AP3S2: variants seen among roughly 807,000 people sequenced by gnomAD.
The protein encoded by AP3S2 is AP-3 complex subunit sigma-2.
AP3S2 carries 22 observed loss-of-function variants against 23.4 expected under a neutral mutation model. The ratio of observed to expected loss-of-function variants is 0.94; its 90% CI spans 0.67 to 1.34. The LOEUF (loss-of-function observed/expected upper bound fraction) is 1.34, where lower values mean the gene tolerates loss of function less well. AP3S2 is among the 40% of genes most tolerant of loss of function. AP3S2 has a pLI of 0.00. For synonymous variants in AP3S2, 86 were observed against 87.1 expected (o/e 0.99, Z 0.07); for missense variants, 241 against 236.9 (o/e 1.02, Z -0.11).
At chr15:89,877,799 T>TA (rs992208560) in intron 3 of AP3S2, among the ~76,000 whole-genome samples, 7 of 151,296 alleles carry the variant, frequency 4.6e-5, no homozygotes, top group Admixed American at 2.0e-4. Flanking sequence ...TGTCTCAAAA[T>TA]AAAAAAAATT....
At chr15:89,856,961 G>T (rs1359460763) in intron 4 of AP3S2, among the ~76,000 whole-genome samples, 2 of 151,862 alleles carry the variant, frequency 1.3e-5, no homozygotes, top group Non-Finnish European at 2.9e-5. Context: ...AATCAACTCT[G>T]ACTGTCCTGT....
chr15:89,862,526 A>C (rs1000960348), intron 4 of AP3S2, among the ~76,000 whole-genome samples: 8 of 152,210 alleles, frequency 5.3e-5, no homozygotes, highest in Admixed American at 6.5e-5. Flanking sequence ...CATAAAAGCA[A>C]GTATGCCAAA....
At chr15:89,851,339 T>C (rs1044516721) in intron 4 of AP3S2, among the ~76,000 whole-genome samples, 2 of 151,786 alleles carry the variant, frequency 1.3e-5, no homozygotes, top group Non-Finnish European at 2.9e-5. Context: ...TACTAATTCA[T>C]CTTCTTTTTT....
rs143234818 is a variant in AP3S2 at position 89,835,617 on chromosome 15, C to G, written c.480G>C (p.Arg160=). 3,962 of 1,613,290 alleles carry G rather than the reference C, an allele frequency of 2.5e-3. 5 individuals are homozygous for G. Among genetic ancestry groups the G allele is most frequent in the Non-Finnish European group, 3.1e-3 (3,639 of 1,179,910 alleles). The stretch of plus-strand genomic sequence containing the variant: ...TGATGTTTTTCACAGCAGACACAGC[C>G]CGCGCAGGGGCTGCTGAAAGGCCAC... ...SEGGLSAAPA[R]AVSAVKNINL... Residue 160 remains arginine (R), a synonymous_variant, in exon 6 of 6, where the codon CGG becomes CGC. Coordinates refer to ENST00000336418, the MANE Select transcript of AP3S2 (RefSeq NM_005829.5).
rs554916414 is a variant in AP3S2 at position 89,832,578 on chromosome 15, T to G, written c.*2937A>C. The G allele has an allele frequency of 2.8e-5, 4 of 144,568 alleles. No homozygotes were observed. The South Asian group carries it at 6.6e-4, about 24-fold the overall frequency. 9.0% of individuals were successfully genotyped at this position (144,568 alleles called of 1,614,324 possible). A position where few individuals can be genotyped will look rare whatever the true frequency, so the allele number is the denominator to read the frequency against. ...ATCTTGGCTCACTGCAAGCTCTGCC[T>G]CCCGGGTTCATGCCATTCTCCTGCC... On this transcript the variant is annotated 3_prime_UTR_variant, in exon 6 of 6. Coordinates refer to ENST00000336418, the MANE Select transcript of AP3S2 (RefSeq NM_005829.5).
chr15:89,891,890 A>G lies in AP3S2; in HGVS notation c.69+1991T>C, dbSNP rs935786327. Among the ~76,000 whole-genome samples the G allele has an allele frequency of 2.6e-5, 4 of 152,208 alleles. No homozygotes were observed. The South Asian group carries it at 8.3e-4, about 31-fold the overall frequency. ...ATCCAGCAATTCTACTCCTAGGTATATAACCAAGAGAAATGAAGTCATAAG... is the reference window on the plus strand; with the variant it reads ...ATCCAGCAATTCTACTCCTAGGTATGTAACCAAGAGAAATGAAGTCATAAG... On this transcript the variant is annotated intron_variant, in intron 1 of 5. Transcript: ENST00000336418.
At chr15:89,854,029 C>T (rs1435551183) in intron 4 of AP3S2, among the ~76,000 whole-genome samples, 1 of 50,222 alleles carries the variant, frequency 2.0e-5, no homozygotes, top group South Asian at 6.4e-4. Context: ...GGGGGGGGGT[C>T]AGCCCCCCGC....
intron 4 of AP3S2, among the ~76,000 whole-genome samples, chr15:89,858,493 A>AAGAGAGAGAGAGAGAGAGAG (rs143172663): frequency 1.7e-5 from 1 of 60,236 alleles, no homozygotes; most frequent in Non-Finnish European, 3.7e-5. Context: ...GAAAGAAAGA[A>AAGAGAGAGAGAGAGAGAGAG]AGAGAGAGAG....
At chr15:89,867,405 C>T (rs1186871272) in intron 4 of AP3S2, among the ~76,000 whole-genome samples, 3 of 151,550 alleles carry the variant, frequency 2.0e-5, no homozygotes, top group South Asian at 2.1e-4. Flanking sequence ...CCCAAAGTGC[C>T]GAGATTGCAG....
chr15:89,868,494 G>C (rs1896218196), intron 4 of AP3S2, among the ~76,000 whole-genome samples: 1 of 108,372 alleles, frequency 9.2e-6, no homozygotes, highest in Non-Finnish European at 2.0e-5. Flanking sequence ...TGCCCGGCCA[G>C]CCGCCCGGTC....
At chr15:89,850,463 G>C (rs1044480313) in intron 4 of AP3S2, among the ~76,000 whole-genome samples, 4 of 152,178 alleles carry the variant, frequency 2.6e-5, no homozygotes, top group African/African-American at 9.7e-5. Flanking sequence ...AGCACTCTAC[G>C]ATACACATGA....
rs1351172530 is a variant in AP3S2, at chr15:89,878,353, T to C, written c.274-6807A>G. ...TAGGAGAAAATATTTGCAATAAATA[T>C]AACAAAAAAAGAATATGCATACAAT... On this transcript the variant is annotated intron_variant, in intron 3 of 5. Coordinates refer to ENST00000336418, the MANE Select transcript of AP3S2 (RefSeq NM_005829.5). The C allele has an allele frequency of 1.1e-4, 67 of 609,680 alleles. No homozygotes were observed. The East Asian group carries it at 2.0e-3, about 18-fold the overall frequency. The allele number at this position is 609,680 out of a possible 1,614,324, so 37.8% of individuals were successfully genotyped here.
At chr15:89,880,081 G>T (rs1334914549) in intron 3 of AP3S2, among the ~76,000 whole-genome samples, 1 of 150,486 alleles carries the variant, frequency 6.6e-6, no homozygotes, top group East Asian at 2.0e-4. Flanking sequence ...TATAAAATAT[G>T]ATATTATAAG....
At chr15:89,839,542 T>TG (rs1895275971) in intron 4 of AP3S2, among the ~76,000 whole-genome samples, 1 of 152,226 alleles carries the variant, frequency 6.6e-6, no homozygotes, top group African/African-American at 2.4e-5. Context: ...AATTATTCCC[T>TG]GGGGGAATTC....
chr15:89,885,089 A>AT (rs1304910536), intron 3 of AP3S2, among the ~76,000 whole-genome samples: 1 of 152,214 alleles, frequency 6.6e-6, no homozygotes, highest in African/African-American at 2.4e-5. Context: ...ACTTTAAAAA[A>AT]TTCTACTGTG....
chr15:89,849,526 C>A (rs1301136032), intron 4 of AP3S2, among the ~76,000 whole-genome samples: 1 of 151,948 alleles, frequency 6.6e-6, no homozygotes, highest in Non-Finnish European at 1.5e-5. Flanking sequence ...ACCACCACGC[C>A]CGGCTAATTT....
intron 4 of AP3S2, among the ~76,000 whole-genome samples, chr15:89,851,631 C>A (rs1204588549): frequency 2.0e-5 from 3 of 152,132 alleles, no homozygotes; most frequent in Non-Finnish European, 4.4e-5. Context: ...GCCACCGCGC[C>A]CAACTCAACT....
chr15:89,850,938 C>T (rs536071161), intron 4 of AP3S2, among the ~76,000 whole-genome samples: 1 of 152,272 alleles, frequency 6.6e-6, no homozygotes, highest in Non-Finnish European at 1.5e-5. Flanking sequence ...TGATCTCAAA[C>T]TCCTGGGCTC....
chr15:89,842,868 C>T (rs1292405544), intron 4 of AP3S2, among the ~76,000 whole-genome samples: 1 of 152,192 alleles, frequency 6.6e-6, no homozygotes, highest in African/African-American at 2.4e-5. Flanking sequence ...ACCTTGGCCT[C>T]CCAAAGTGCT....
Sources: allele counts gnomAD v4.1 joint callset (sites outside exome capture counted in the v4.1 genomes callset), GRCh38; gene constraint gnomAD v4.1.1; transcripts MANE v1.5; gene names NCBI Gene and HGNC (gene_info 2026-07-23, HGNC 2026-07-21).